EXT1: variants seen among roughly 807,000 people sequenced by gnomAD.
EXT1 encodes the protein exostosin glycosyltransferase 1, also known as exostosin-1.
EXT1 carries 20 observed loss-of-function variants against 82.5 expected under a neutral mutation model. The observed-to-expected ratio is 0.24, with a 90% CI of 0.17 to 0.35. EXT1 has a LOEUF of 0.35. Ranked by LOEUF, EXT1 falls within the 10% of genes least tolerant of loss-of-function variation. The pLI, the probability that EXT1 is intolerant of heterozygous loss-of-function variation, is 1.00. For synonymous variants in EXT1, 348 were observed against 350.8 expected (o/e 0.99, Z 0.09); for missense variants, 757 against 936.5 (o/e 0.81, Z 2.50).
At chr8:117,952,510 G>C (rs546059264) in intron 1 of EXT1, among the ~76,000 whole-genome samples, 4 of 152,208 alleles carry the variant, frequency 2.6e-5, no homozygotes, top group Non-Finnish European at 5.9e-5. Flanking sequence ...TCTCACACCT[G>C]TAATCCCAGC....
chr8:118,075,393 T>C (rs939085282), intron 1 of EXT1, among the ~76,000 whole-genome samples: 2 of 152,318 alleles, frequency 1.3e-5, no homozygotes, highest in African/African-American at 2.4e-5. Flanking sequence ...TAAGGATACA[T>C]AGCAGGAGGA....
At chr8:118,019,998 T>C (rs1244709086) in intron 1 of EXT1, among the ~76,000 whole-genome samples, 1 of 152,240 alleles carries the variant, frequency 6.6e-6, no homozygotes, top group Admixed American at 6.5e-5. Flanking sequence ...CACCCCTGGT[T>C]ATTTTGGGGT....
chr8:118,044,519 T>C (rs1230108610), intron 1 of EXT1, among the ~76,000 whole-genome samples: 1 of 152,132 alleles, frequency 6.6e-6, no homozygotes, highest in Non-Finnish European at 1.5e-5. Flanking sequence ...GCGATTCTCC[T>C]GCCTCAACCT....
chr8:117,989,031 G>A (rs1251492107), intron 1 of EXT1, among the ~76,000 whole-genome samples: 1 of 140,914 alleles, frequency 7.1e-6, no homozygotes, highest in Admixed American at 7.5e-5. Context: ...TTTGAGACCA[G>A]CCTGGGCCAC....
intron 1 of EXT1, among the ~76,000 whole-genome samples, chr8:117,991,622 C>A (rs1815436572): frequency 6.6e-6 from 1 of 152,120 alleles, no homozygotes; most frequent in African/African-American, 2.4e-5. Context: ...AGCGCAGTGG[C>A]ATGATCTCAG....
In EXT1 at chr8:118,048,229, T is replaced by C. The variant is rs537022282; in HGVS notation, c.962+61856A>G. On this transcript the variant is annotated intron_variant, in intron 1 of 10. Coordinates refer to ENST00000378204, the MANE Select transcript of EXT1 (RefSeq NM_000127.3). ...GAGAAACCTTTCCTAAAGTGACCTC[T>C]CCATTTTGCAGTCACTTATCAAACA... Among the ~76,000 whole-genome samples, 5 of 152,216 alleles carry C rather than the reference T, an allele frequency of 3.3e-5. 1 individual carries two copies. Among genetic ancestry groups the C allele is most frequent in the African/African-American group, 1.2e-4 (5 of 41,518 alleles).
At chr8:118,083,292 CAGAACAGTAATCTCCACAATTAA>C (rs1817363683) in intron 1 of EXT1, among the ~76,000 whole-genome samples, 1 of 152,176 alleles carries the variant, frequency 6.6e-6, no homozygotes, top group South Asian at 2.1e-4. Context: ...GAATAATCTA[CAGAACAGTAATCTCCACAATTAA>C]AGAACATTTA....
At chr8:118,091,395 C>T (rs778107865) in intron 1 of EXT1, among the ~76,000 whole-genome samples, 2 of 152,156 alleles carry the variant, frequency 1.3e-5, no homozygotes, top group African/African-American at 2.4e-5. Flanking sequence ...TGGATATATA[C>T]CTTCTAAACT....
At chr8:117,984,453 A>AC (rs940675653) in intron 1 of EXT1, among the ~76,000 whole-genome samples, 24 of 149,268 alleles carry the variant, frequency 1.6e-4, no homozygotes, top group African/African-American at 5.6e-4. Context: ...ACAAAACAAA[A>AC]AAAAAAAACA....
chr8:118,078,070 A>C (rs1407170003), intron 1 of EXT1, among the ~76,000 whole-genome samples: 1 of 152,102 alleles, frequency 6.6e-6, no homozygotes, highest in Admixed American at 6.6e-5. Flanking sequence ...TTTTAAAACA[A>C]ATTTTTTTTC....
chr8:117,806,451 A>G (rs536959041), intron 9 of EXT1, among the ~76,000 whole-genome samples: 4 of 152,026 alleles, frequency 2.6e-5, no homozygotes, highest in Non-Finnish European at 5.9e-5. Flanking sequence ...CTCCTCCCAT[A>G]TCACTTAGAG....
chr8:117,936,527 C>T (rs985105967), intron 1 of EXT1, among the ~76,000 whole-genome samples: 1 of 152,204 alleles, frequency 6.6e-6, no homozygotes, highest in Non-Finnish European at 1.5e-5. Context: ...ACCATCACCA[C>T]TTGGGAACTG....
chr8:117,980,683 G>C (rs1815171728), intron 1 of EXT1, among the ~76,000 whole-genome samples: 1 of 112,488 alleles, frequency 8.9e-6, no homozygotes, highest in African/African-American at 3.0e-5. Context: ...AGGTTTGTTT[G>C]TTCGGGTGTT....
Position 118,110,286 on chromosome 8 carries a change from T to C in EXT1, c.761A>G (p.Asn254Ser). 1.2e-6 allele frequency: 2 copies of C among 1,614,102 alleles called. No homozygotes were observed. The highest frequency in any genetic ancestry group is 1.1e-5 in the South Asian group (1 of 91,074). ...GTACTTCCTGAGAGGAGGGATGGTG[T>C]TGAACTTCAAAAACCCCCTCTCCCC... ...TGGERGFLKF[N>S]TIPPLRKYML... Residue 254 changes from asparagine to serine, a missense_variant, in exon 1 of 11, where the codon AAC becomes AGC. Asn to Ser is a conservative substitution (Grantham distance 46). Around this residue, in one of 4 missense-constraint regions of EXT1, gnomAD observed 247 missense variants for 330.1 expected, o/e 0.75. Coordinates refer to ENST00000378204, the MANE Select transcript of EXT1 (RefSeq NM_000127.3).
intron 1 of EXT1, among the ~76,000 whole-genome samples, chr8:117,889,782 G>A (rs1023213615): frequency 2.0e-5 from 3 of 152,122 alleles, no homozygotes; most frequent in African/African-American, 7.2e-5. Context: ...GGAAAGCAAT[G>A]TGCCAAAGTT....
intron 1 of EXT1, among the ~76,000 whole-genome samples, chr8:118,104,500 T>A (rs1817775415): frequency 6.6e-6 from 1 of 152,196 alleles, no homozygotes. Flanking sequence ...TTCCAGAGTA[T>A]GAAGGAAGCG....
chr8:117,827,594 C>T (rs1240100493), intron 4 of EXT1, among the ~76,000 whole-genome samples: 1 of 151,820 alleles, frequency 6.6e-6, no homozygotes, highest in Non-Finnish European at 1.5e-5. Flanking sequence ...GCAGGCAGAT[C>T]ACTTGAGGTC....
intron 8 of EXT1, among the ~76,000 whole-genome samples, chr8:117,812,503 C>A (rs1026942589): frequency 6.6e-6 from 1 of 152,168 alleles, no homozygotes; most frequent in Non-Finnish European, 1.5e-5. Flanking sequence ...ATTATCTCCT[C>A]CGGAAAGCAT....
chr8:118,072,169 G>T (rs1817107086), intron 1 of EXT1, among the ~76,000 whole-genome samples: 1 of 152,142 alleles, frequency 6.6e-6, no homozygotes, highest in South Asian at 2.1e-4. Flanking sequence ...GAGGTACACG[G>T]TGAGCATGAA....
Sources: gnomAD v4.1 joint callset for allele counts (sites outside exome capture counted in the v4.1 genomes callset) on GRCh38, gnomAD v4.1.1 for gene constraint, gnomAD v4.1.1 regional missense constraint, MANE v1.5 for transcripts, NCBI Gene and HGNC (gene_info 2026-07-23, HGNC 2026-07-21) for gene names.